The following WDR62 variants were observed in gnomAD, a reference collection of about 807,000 sequenced individuals.
WDR62 encodes WD repeat-containing protein 62.
A neutral mutation model predicts 160.6 loss-of-function variants in WDR62; 112 were observed. That is an observed-to-expected ratio of 0.70 (90% CI 0.60 to 0.82). WDR62 has a LOEUF of 0.82. Ranked by LOEUF, WDR62 falls within the 40% of genes least tolerant of loss-of-function variation. WDR62 has a pLI of 0.00. For synonymous variants in WDR62, 792 were observed against 815.1 expected, an observed-to-expected ratio of 0.97 and a Z score of 0.48; for missense variants, 1,819 against 1,983.8, an observed-to-expected ratio of 0.92 and a Z score of 1.58.
chr19:36,072,005 C>T (rs1367865324), intron 8 of WDR62, among the ~76,000 whole-genome samples: 2 of 152,164 alleles, frequency 1.3e-5, no homozygotes, highest in African/African-American at 2.4e-5. Context: ...GTGAATGTGG[C>T]GGAGTGTTTC....
intron 10 of WDR62, 52 bp from the exon 11 acceptor site, chr19:36,083,011 C>A: frequency 6.4e-7 from 1 of 1,553,438 alleles, no homozygotes; most frequent in Non-Finnish European, 8.8e-7. Context: ...GACACGATTT[C>A]AGAGGTGCTT....
intron 1 of WDR62, among the ~76,000 whole-genome samples, chr19:36,057,866 T>C (rs761508608): frequency 6.6e-5 from 10 of 152,192 alleles, no homozygotes; most frequent in Non-Finnish European, 1.3e-4. Flanking sequence ...CTGTCTACCT[T>C]TGGTCACTAC....
chr19:36,086,208 C>G (rs1972221004), intron 12 of WDR62, among the ~76,000 whole-genome samples: 1 of 152,108 alleles, frequency 6.6e-6, no homozygotes, highest in African/African-American at 2.4e-5. Flanking sequence ...TATTAGGCCT[C>G]AGACATAGCA....
chr19:36,110,732 C>G, the WDR62 span, among the ~76,000 whole-genome samples: 3 of 152,250 alleles, frequency 2.0e-5, no homozygotes, highest in South Asian at 6.2e-4. Flanking sequence ...CTCCCTGCAC[C>G]CTACAGAGCA....
Position 36,060,493 on chromosome 19 carries a change from G to A in WDR62, c.332+463G>A, listed in dbSNP as rs551030138. 4 of 181,202 alleles carry A rather than the reference G, an allele frequency of 2.2e-5. No individual in the cohort carries two copies. In the South Asian group the frequency reaches 3.6e-4, roughly 16 times the overall value. 11.2% of individuals were successfully genotyped at this position (181,202 alleles called of 1,614,324 possible). ...GGCCCTGCAGTGGTTAAGAATCTCC[G>A]GCGCTTTAGAAGCAGCCAGGGATCT... On this transcript the variant is annotated intron_variant, in intron 3 of 31. Coordinates refer to ENST00000401500, the MANE Select transcript of WDR62 (RefSeq NM_001083961.2).
chr19:36,057,001 G>T (rs185089872), intron 1 of WDR62, among the ~76,000 whole-genome samples: 5 of 152,154 alleles, frequency 3.3e-5, no homozygotes, highest in African/African-American at 1.2e-4. Flanking sequence ...TTCTGGTAGA[G>T]ACAGGGTCTC....
chr19:36,093,899 C>G (rs1972789028), intron 19 of WDR62, 132 bp from the exon 20 acceptor site: 13 of 1,104,734 alleles, frequency 1.2e-5, no homozygotes, highest in Non-Finnish European at 1.5e-5. Flanking sequence ...GAGAGACTTG[C>G]CAGCACCATC....
chr19:36,067,400 G>A lies in WDR62; in HGVS notation c.656G>A (p.Arg219His), dbSNP rs375979418. The A allele has an allele frequency of 1.2e-5, 20 of 1,614,112 alleles. No individual in the cohort carries two copies. The highest frequency in any genetic ancestry group is 3.3e-4 in the Middle Eastern group (2 of 6,080). ...AGCTATTTTGTCACTGTTGGGAACC[G>A]CCATGTGAGGTTCTGGTTCTTGGAA... ...DSSYFVTVGN[R>H]HVRFWFLEVS... Residue 219 changes from arginine to histidine, a missense_variant, in exon 6 of 32, where the codon CGC becomes CAC. By Grantham distance (29) the Arg-to-His change is conservative. Coordinates refer to ENST00000401500, the MANE Select transcript of WDR62 (RefSeq NM_001083961.2).
intron 2 of WDR62, 34 bp from the exon 3 acceptor site, chr19:36,059,934 C>G: frequency 6.2e-7 from 1 of 1,612,672 alleles, no homozygotes; most frequent in Middle Eastern, 1.7e-4. Flanking sequence ...CAACACTCCC[C>G]ACAGTTGAGG....
chr19:36,076,084 C>G (rs1971557123), intron 9 of WDR62: 1 of 152,080 alleles, frequency 6.6e-6, no homozygotes, highest in Non-Finnish European at 1.5e-5. Context: ...TTTATTGGAG[C>G]TCATATCATC....
chr19:36,107,414 G>C (rs1973735750), downstream of WDR62, among the ~76,000 whole-genome samples: 1 of 152,144 alleles, frequency 6.6e-6, no homozygotes, highest in Admixed American at 6.5e-5. Flanking sequence ...GTGGAGTGCA[G>C]GGGGCTCACA....
At chr19:36,090,653 A>G in intron 16 of WDR62, 133 bp downstream of exon 16, 1 of 838,030 alleles carries the variant, frequency 1.2e-6, no homozygotes, top group East Asian at 2.6e-5. Flanking sequence ...GGCCTGGTTA[A>G]ACAAGGATGC....
At chr19:36,109,135 CG>C (rs946253024), downstream of WDR62, among the ~76,000 whole-genome samples, 8 of 152,130 alleles carry the variant, frequency 5.3e-5, no homozygotes, top group African/African-American at 1.9e-4. Flanking sequence ...AACTGACTCT[CG>C]GGCAATGTAA....
chr19:36,078,399 C>T (rs1306446977), intron 9 of WDR62, among the ~76,000 whole-genome samples: 5 of 151,938 alleles, frequency 3.3e-5, no homozygotes, highest in East Asian at 1.9e-4. Context: ...TTGCCCACCT[C>T]GGCCTCCCAA....
chr19:36,072,080 T>C (rs1320013776), intron 8 of WDR62, among the ~76,000 whole-genome samples: 1 of 152,240 alleles, frequency 6.6e-6, no homozygotes, highest in Non-Finnish European at 1.5e-5. Flanking sequence ...AAGCAGGACA[T>C]GCCTATTATA....
In WDR62 at chr19:36,089,070, G is replaced by A. The variant is rs1972428057; in HGVS notation, c.1801G>A (p.Ala601Thr). The change falls in exon 14 of 32, where the codon GCT becomes ACT. Residue 601 changes from alanine to threonine, a missense_variant. Ala to Thr is a moderately conservative substitution (Grantham distance 58). Coordinates refer to ENST00000401500, the MANE Select transcript of WDR62 (RefSeq NM_001083961.2). ...NRDIQMISCG[A>T]DKSIYFRSAQ... ...AGACATCCAGATGATCAGCTGTGGG[G>A]CTGACAAGAGCATCTACTTTCGCAG... 20 of 1,614,140 alleles carry A rather than the reference G, an allele frequency of 1.2e-5. No homozygotes were observed. In the East Asian group the frequency reaches 4.2e-4, roughly 34 times the overall value.
At chr19:36,067,120 T>A (rs150116703) in intron 5 of WDR62, among the ~76,000 whole-genome samples, 186 bp from the exon 6 acceptor site, 1 of 152,284 alleles carries the variant, frequency 6.6e-6, no homozygotes, top group African/African-American at 2.4e-5. Flanking sequence ...CCTCTGTCCC[T>A]TCCTCTGTCG....
At chr19:36,084,467 G>A (rs539403926) in intron 11 of WDR62, among the ~76,000 whole-genome samples, 186 bp from the exon 12 acceptor site, 84 of 152,216 alleles carry the variant, frequency 5.5e-4, no homozygotes, top group African/African-American at 1.8e-3. Flanking sequence ...GTGCTCCCTG[G>A]TTCAACACGG....
chr19:36,111,083 T>C, the WDR62 span: 11 of 944,374 alleles, frequency 1.2e-5, no homozygotes, highest in East Asian at 2.9e-4. Context: ...GAAATTTGCA[T>C]GAAGAGAATG....
Sources: gnomAD v4.1 joint callset for allele counts (sites outside exome capture counted in the v4.1 genomes callset) on GRCh38, gnomAD v4.1.1 for gene constraint, MANE v1.5 for transcripts, NCBI Gene and HGNC (gene_info 2026-07-23, HGNC 2026-07-21) for gene names.